KCNJ3: variants seen among roughly 807,000 people sequenced by gnomAD.
KCNJ3 encodes potassium inwardly rectifying channel subfamily J member 3, also known as G protein-activated inward rectifier potassium channel 1.
Under a neutral mutation model 39.2 loss-of-function variants are expected in KCNJ3, and 4 were observed. The ratio of observed to expected loss-of-function variants is 0.10; its 90% CI spans 0.05 to 0.23. The LOEUF (loss-of-function observed/expected upper bound fraction) is 0.23. Among genes scored for constraint, KCNJ3 ranks in the 10% least tolerant of loss-of-function variants. KCNJ3 has a pLI of 1.00. For missense variants in KCNJ3, 276 were observed against 634.9 expected (o/e 0.43, Z 6.08); for synonymous variants, 230 against 237.4 (o/e 0.97, Z 0.29).
chr2:154,811,403 C>T (rs1440333278), intron 2 of KCNJ3, among the ~76,000 whole-genome samples: 2 of 152,146 alleles, frequency 1.3e-5, no homozygotes, highest in Non-Finnish European at 2.9e-5. Context: ...TTTTCTGCCT[C>T]CGCCTCCCAA....
intron 1 of KCNJ3, among the ~76,000 whole-genome samples, chr2:154,707,146 A>G (rs1685024058): frequency 1.3e-5 from 2 of 151,978 alleles, no homozygotes; most frequent in South Asian, 4.1e-4. Context: ...TATGTAAAGA[A>G]TTTCACTTAT....
chr2:154,855,268 C>A lies in KCNJ3; in HGVS notation c.1461C>A (p.Asn487Lys), dbSNP rs773504384. ...GAGGAGCAGCTAGGATGGAAGGGAA[C>A]CTTCCAGCCAAATTAAGAAAAATGA... is the stretch of plus-strand genomic sequence containing the variant. ...MAGGAARMEGNLPAKLRKMNS... is the reference protein window; with the variant it reads ...MAGGAARMEGKLPAKLRKMNS... The change falls in exon 3 of 3, where the codon AAC becomes AAA. Residue 487 changes from asparagine to lysine, a missense_variant. By Grantham distance (94) the Asn-to-Lys change is moderately conservative. Transcript: ENST00000295101. The A allele has an allele frequency of 1.6e-5, 25 of 1,609,610 alleles. No individual in the cohort carries two copies. The highest frequency in any genetic ancestry group is 9.4e-5 in the African/African-American group (7 of 74,412).
chr2:154,771,569 A>C (rs1417493079), intron 2 of KCNJ3, among the ~76,000 whole-genome samples: 1 of 152,160 alleles, frequency 6.6e-6, no homozygotes, highest in Non-Finnish European at 1.5e-5. Context: ...AGAATAGGGC[A>C]GACTCAACCA....
intron 2 of KCNJ3, among the ~76,000 whole-genome samples, chr2:154,852,425 G>T (rs1687772162): frequency 6.6e-6 from 1 of 151,954 alleles, no homozygotes; most frequent in East Asian, 1.9e-4. Context: ...AAGATAGATT[G>T]TAAGGCAGTA....
rs905586676 is a variant in KCNJ3 at position 154,788,772 on chromosome 2, GT to G, written c.920-65944del. Among the ~76,000 whole-genome samples, 505 of 136,948 alleles carry G rather than the reference GT, an allele frequency of 3.7e-3. 1 individual carries two copies. Among genetic ancestry groups the G allele is most frequent in the African/African-American group, 0.014 (482 of 34,916 alleles). 89.8% of individuals were successfully genotyped at this position (136,948 alleles called of 152,430 possible). A position where few individuals can be genotyped will look rare whatever the true frequency, so the allele number is the denominator to read the frequency against. On this transcript the variant is annotated intron_variant, in intron 2 of 2. Transcript: ENST00000295101. ...AAATATCAGTATGTGAGTGTGAGTT[GT>G]TTTTTTTTTTAAAAAGAAACTCAGG...
chr2:154,755,860 T>C (rs1322076785), intron 2 of KCNJ3, among the ~76,000 whole-genome samples: 2 of 152,094 alleles, frequency 1.3e-5, no homozygotes, highest in Non-Finnish European at 2.9e-5. Flanking sequence ...AGCTTTCTGA[T>C]ATTGTTACTT....
At chr2:154,852,588 A>T (rs1687775321) in intron 2 of KCNJ3, among the ~76,000 whole-genome samples, 1 of 152,158 alleles carries the variant, frequency 6.6e-6, no homozygotes, top group Admixed American at 6.6e-5. Context: ...TTATCTTAAC[A>T]ATGACATCAG....
intron 2 of KCNJ3, among the ~76,000 whole-genome samples, chr2:154,762,631 A>G (rs1295410326): frequency 2.0e-5 from 3 of 152,192 alleles, no homozygotes; most frequent in Admixed American, 6.5e-5. Context: ...CTTCTATCTC[A>G]AGGAGTTGTT....
intron 2 of KCNJ3, among the ~76,000 whole-genome samples, chr2:154,852,865 C>A (rs1687779270): frequency 1.3e-5 from 2 of 151,854 alleles, no homozygotes; most frequent in Admixed American, 1.3e-4. Context: ...TGATTATAAA[C>A]ACGGATATCT....
In KCNJ3 at chr2:154,766,824, G is replaced by A. The variant is rs997227948; in HGVS notation, c.919+57005G>A. On this transcript the variant is annotated intron_variant, in intron 2 of 2. Coordinates refer to ENST00000295101, the MANE Select transcript of KCNJ3 (RefSeq NM_002239.4). ...CCACCTCGGCCACCGAAAGTGCTGG[G>A]ATTACAGGCATGAGCCACTGTGCCT... is the stretch of plus-strand genomic sequence containing the variant. Among the ~76,000 whole-genome samples the A allele has an allele frequency of 2.7e-4, 41 of 152,086 alleles. 1 individual carries two copies. The highest frequency in any genetic ancestry group is 9.4e-4 in the African/African-American group (39 of 41,416).
chr2:154,815,011 A>C (rs1415938093), intron 2 of KCNJ3, among the ~76,000 whole-genome samples: 1 of 152,230 alleles, frequency 6.6e-6, no homozygotes, highest in Non-Finnish European at 1.5e-5. Context: ...AGCAGGCACC[A>C]TGATTTGCAC....
rs1339342091 is a variant in KCNJ3 at position 154,709,430 on chromosome 2, T to C, written c.703-173T>C. 4 of 627,232 alleles carry C rather than the reference T, an allele frequency of 6.4e-6. No individual in the cohort carries two copies. In the African/African-American group the frequency reaches 7.4e-5, roughly 12 times the overall value. The allele number at this position is 627,232 out of a possible 1,614,324, so 38.9% of individuals were successfully genotyped here. On this transcript the variant is annotated intron_variant, in intron 1 of 2. Transcript: ENST00000295101. Reference sequence around the variant, plus strand: ...TAATGCATGTATGTTCCGCATGAGCTATGTGGGATTTCGGCCCATTTGCTA... The same window carrying C: ...TAATGCATGTATGTTCCGCATGAGCCATGTGGGATTTCGGCCCATTTGCTA...
chr2:154,709,685 T>C lies in KCNJ3; in HGVS notation c.785T>C (p.Leu262Pro), dbSNP rs1301852501. Residue 262 changes from leucine to proline, a missense_variant, in exon 2 of 3, where the codon CTT becomes CCT. By Grantham distance (98) the Leu-to-Pro change is moderately conservative. Transcript: ENST00000295101. Reference protein sequence around the residue: ...DVGFSTGADQLFLVSPLTICH... With the variant: ...DVGFSTGADQPFLVSPLTICH... ...GGTTTTAGTACAGGGGCAGATCAAC[T>C]TTTTCTTGTGTCCCCCCTCACAATT... 6.2e-7 allele frequency: 1 copy of C among 1,613,808 alleles called. No individual in the cohort carries two copies. Among genetic ancestry groups the C allele is most frequent in the Non-Finnish European group, 8.5e-7 (1 of 1,179,898 alleles).
intron 2 of KCNJ3, among the ~76,000 whole-genome samples, chr2:154,761,914 A>G (rs185404780): frequency 5.1e-4 from 78 of 152,332 alleles, no homozygotes; most frequent in African/African-American, 1.8e-3. Flanking sequence ...AGATGTGGTT[A>G]TGTTAAGTAT....
chr2:154,714,236 C>G (rs1685146830), intron 2 of KCNJ3, among the ~76,000 whole-genome samples: 1 of 152,152 alleles, frequency 6.6e-6, no homozygotes, highest in Admixed American at 6.6e-5. Context: ...GAAATATTTT[C>G]AGTTCTTTCC....
At chr2:154,717,648 A>G (rs2105157640) in intron 2 of KCNJ3, among the ~76,000 whole-genome samples, 1 of 152,312 alleles carries the variant, frequency 6.6e-6, no homozygotes, top group East Asian at 1.9e-4. Flanking sequence ...AAAATGATAA[A>G]TTAAGAATGA....
chr2:154,746,609 GATATATATATAT>G (rs59587484), intron 2 of KCNJ3, among the ~76,000 whole-genome samples: 7 of 143,388 alleles, frequency 4.9e-5, no homozygotes, highest in African/African-American at 1.8e-4. Flanking sequence ...CGTATACACA[GATATATATATAT>G]ATATATATAT....
Position 154,699,700 on chromosome 2 carries a change from C to A in KCNJ3, c.702+223C>A. 8.5e-6 allele frequency: 2 copies of A among 234,734 alleles called. No individual in the cohort carries two copies. The highest frequency in any genetic ancestry group is 1.4e-5 in the Non-Finnish European group (2 of 143,570). The allele number at this position is 234,734 out of a possible 1,614,324, so 14.5% of individuals were successfully genotyped here. A position where few individuals can be genotyped will look rare whatever the true frequency, so the allele number is the denominator to read the frequency against. Reference sequence around the variant, plus strand: ...GTGCTCTTGTTTATATTCGTCATTTCGGATCTGCTTGTATCACTTACTGGA... The same window carrying A: ...GTGCTCTTGTTTATATTCGTCATTTAGGATCTGCTTGTATCACTTACTGGA... On this transcript the variant is annotated intron_variant, in intron 1 of 2. Coordinates refer to ENST00000295101, the MANE Select transcript of KCNJ3 (RefSeq NM_002239.4). The surrounding 1 kb of genome is among the most constrained non-coding windows in gnomAD (Gnocchi z 6.4).
intron 2 of KCNJ3, among the ~76,000 whole-genome samples, chr2:154,714,477 G>A (rs1164667235): frequency 6.6e-6 from 1 of 151,098 alleles, no homozygotes; most frequent in Admixed American, 6.6e-5. Context: ...CTTTCTTTTA[G>A]TGAACTCACA....
Sources: gnomAD v4.1 joint callset for allele counts (sites outside exome capture counted in the v4.1 genomes callset) on GRCh38, gnomAD v4.1.1 for gene constraint, Gnocchi (gnomAD v3.1) non-coding constraint, MANE v1.5 for transcripts, NCBI Gene and HGNC (gene_info 2026-07-23, HGNC 2026-07-21) for gene names.